The following INPP4B variants were observed in gnomAD, a reference collection of about 807,000 sequenced individuals.
The protein encoded by INPP4B is inositol polyphosphate-4-phosphatase type II B.
In INPP4B, 55 loss-of-function variants were observed where a neutral mutation model predicts 122.5. The ratio of observed to expected loss-of-function variants is 0.45; its 90% confidence interval spans 0.36 to 0.56. The LOEUF (loss-of-function observed/expected upper bound fraction) is 0.56, where lower values mean the gene tolerates loss of function less well. INPP4B is among the 20% of genes least tolerant of loss of function. INPP4B has a pLI of 0.00. For missense variants in INPP4B, 1,000 were observed against 1,097.7 expected (o/e 0.91, Z 1.26); for synonymous variants, 403 against 388.7 (o/e 1.04, Z -0.43).
At chr4:142,708,098 C>T (rs1762672988) in intron 2 of INPP4B, among the ~76,000 whole-genome samples, 1 of 152,144 alleles carries the variant, frequency 6.6e-6, no homozygotes, top group African/African-American at 2.4e-5. Context: ...GAACTTTGAA[C>T]TTCAGAGTGA....
At chr4:142,710,333 T>C (rs2150792298) in intron 2 of INPP4B, among the ~76,000 whole-genome samples, 1 of 152,304 alleles carries the variant, frequency 6.6e-6, no homozygotes, top group East Asian at 1.9e-4. Flanking sequence ...AAGAGAGAGA[T>C]GATGTTTTTG....
chr4:142,329,732 A>T (rs1447010608), intron 7 of INPP4B, among the ~76,000 whole-genome samples: 2 of 152,172 alleles, frequency 1.3e-5, no homozygotes, highest in African/African-American at 4.8e-5. Flanking sequence ...ACTGACAGAG[A>T]ATTAAAGTGA....
chr4:142,613,646 C>CCAT, intron 2 of INPP4B, among the ~76,000 whole-genome samples: 1 of 152,258 alleles, frequency 6.6e-6, no homozygotes, highest in South Asian at 2.1e-4. Context: ...ATATATCCTT[C>CCAT]CATCACATTA....
intron 7 of INPP4B, among the ~76,000 whole-genome samples, chr4:142,339,600 C>T (rs934319653): frequency 1.3e-5 from 2 of 152,140 alleles, no homozygotes; most frequent in Non-Finnish European, 2.9e-5. Flanking sequence ...GTGGAAAGCA[C>T]GTCCCTCACA....
chr4:142,520,554 G>T (rs1825953934), intron 2 of INPP4B, among the ~76,000 whole-genome samples: 1 of 151,796 alleles, frequency 6.6e-6, no homozygotes, highest in Non-Finnish European at 1.5e-5. Context: ...ATTTATTATT[G>T]TATTAAAATT....
At chr4:142,479,903 C>T (rs1423475132) in intron 2 of INPP4B, among the ~76,000 whole-genome samples, 1 of 152,070 alleles carries the variant, frequency 6.6e-6, no homozygotes, top group African/African-American at 2.4e-5. Flanking sequence ...ACCAAAACCC[C>T]TTGGAATGTA....
chr4:142,373,215 A>T (rs539121863), intron 7 of INPP4B, among the ~76,000 whole-genome samples: 5 of 152,110 alleles, frequency 3.3e-5, no homozygotes, highest in African/African-American at 1.2e-4. Flanking sequence ...TATTGAATAG[A>T]TTGGTGCCCT....
rs573056142 is a variant in INPP4B, at chr4:142,132,976, C to T, written c.1721-8216G>A. 5.3e-5 allele frequency among the ~76,000 whole-genome samples: 8 copies of T among 152,296 alleles called. No homozygotes were observed. The East Asian group carries it at 1.5e-3, about 29-fold the overall frequency. On this transcript the variant is annotated intron_variant, in intron 18 of 25. Coordinates refer to ENST00000262992, the MANE Select transcript of INPP4B (RefSeq NM_001101669.3). ...ACTCTAGTAAGGCTACTCTCGTCAT[C>T]AAAGACATCCGTACTGCTAAATCCA...
chr4:142,606,119 T>C (rs116280435), intron 2 of INPP4B, among the ~76,000 whole-genome samples: 4 of 152,060 alleles, frequency 2.6e-5, no homozygotes, highest in East Asian at 3.9e-4. Context: ...CTGGAAGTCA[T>C]TAAGTTAAGT....
chr4:142,845,317 T>C (rs987879696), intron 1 of INPP4B, among the ~76,000 whole-genome samples: 3 of 152,138 alleles, frequency 2.0e-5, no homozygotes, highest in African/African-American at 7.2e-5. Context: ...TATGTGGTTC[T>C]AGCATCCTCA....
chr4:142,431,955 T>G (rs1809422201), intron 3 of INPP4B, among the ~76,000 whole-genome samples: 1 of 152,018 alleles, frequency 6.6e-6, no homozygotes, highest in African/African-American at 2.4e-5. Context: ...AAGGTGTAAT[T>G]GTTTAATGAT....
intron 11 of INPP4B, 104 bp from the exon 12 acceptor site, chr4:142,238,115 T>A (rs995241857): frequency 1.9e-6 from 1 of 535,138 alleles, no homozygotes; most frequent in Non-Finnish European, 3.3e-6. Flanking sequence ...TTATTATTCA[T>A]TTGATCCAAA....
intron 2 of INPP4B, among the ~76,000 whole-genome samples, chr4:142,593,075 G>T: frequency 6.6e-6 from 1 of 151,330 alleles, no homozygotes; most frequent in Non-Finnish European, 1.5e-5. Flanking sequence ...CTGTACTCCA[G>T]CCTGGGTGAT....
intron 2 of INPP4B, among the ~76,000 whole-genome samples, chr4:142,577,431 T>C (rs924636312): frequency 6.6e-6 from 1 of 152,058 alleles, no homozygotes; most frequent in Non-Finnish European, 1.5e-5. Flanking sequence ...CTATTCTCTA[T>C]GGACAACATA....
intron 1 of INPP4B, among the ~76,000 whole-genome samples, chr4:142,844,201 A>G (rs1371486198): frequency 6.6e-6 from 1 of 152,214 alleles, no homozygotes; most frequent in Non-Finnish European, 1.5e-5. Flanking sequence ...TAAATGGTCT[A>G]TCTGGTTGTT....
chr4:142,533,760 G>A (rs1827885745), intron 2 of INPP4B, among the ~76,000 whole-genome samples: 1 of 152,122 alleles, frequency 6.6e-6, no homozygotes. Flanking sequence ...ACCCTGAAAA[G>A]TTGTGAAGGC....
intron 2 of INPP4B, among the ~76,000 whole-genome samples, chr4:142,525,620 G>T (rs1242967557): frequency 1.1e-5 from 1 of 89,404 alleles, no homozygotes; most frequent in Non-Finnish European, 2.5e-5. Flanking sequence ...ACAAACCTGA[G>T]AAAAACAAGC....
At chr4:142,593,090 TGAGATCCTGTTTTTAAAAAAAAAAA>T (rs967856915) in intron 2 of INPP4B, among the ~76,000 whole-genome samples, 1 of 149,718 alleles carries the variant, frequency 6.7e-6, no homozygotes, top group African/African-American at 2.5e-5. Context: ...GGTGATACAG[TGAGATCCTGTTTTTAAAAAAAAAAA>T]AAAATGGTAG....
intron 7 of INPP4B, among the ~76,000 whole-genome samples, chr4:142,381,026 T>A (rs943093634): frequency 6.6e-5 from 10 of 152,176 alleles, no homozygotes; most frequent in Non-Finnish European, 1.2e-4. Context: ...AAGCCTTCAT[T>A]CTTTCTAATT....
Sources: allele counts gnomAD v4.1 joint callset (sites outside exome capture counted in the v4.1 genomes callset), GRCh38; gene constraint gnomAD v4.1.1; transcripts MANE v1.5; gene names NCBI Gene and HGNC (gene_info 2026-07-23, HGNC 2026-07-21).